CTNNA3: variants seen among roughly 807,000 people sequenced by gnomAD.
CTNNA3 encodes the protein catenin alpha-3.
CTNNA3 carries 76 observed loss-of-function variants against 95.7 expected under a neutral mutation model. The ratio of observed to expected loss-of-function variants is 0.79; its 90% CI spans 0.66 to 0.96. CTNNA3 has a LOEUF of 0.96. Among genes scored for constraint, CTNNA3 ranks in the 40% least tolerant of loss-of-function variants. The pLI is 0.00. For synonymous variants in CTNNA3, 431 were observed against 374.4 expected, an observed-to-expected ratio of 1.15 and a Z score of -1.74; for missense variants, 1,191 against 1,089.8, an observed-to-expected ratio of 1.09 and a Z score of -1.31.
At chr10:66,033,663 T>C (rs1053992178) in intron 15 of CTNNA3, among the ~76,000 whole-genome samples, 3 of 152,020 alleles carry the variant, frequency 2.0e-5, no homozygotes, top group Non-Finnish European at 4.4e-5. Context: ...CTTTAGCTTG[T>C]ATGTTCCCTT....
chr10:66,539,706 G>T (rs190857875), intron 10 of CTNNA3, among the ~76,000 whole-genome samples: 1 of 152,026 alleles, frequency 6.6e-6, no homozygotes, highest in Non-Finnish European at 1.5e-5. Context: ...GGCAGGACAG[G>T]CTTCATTCTC....
At chr10:66,952,292 G>A (rs1848576123) in intron 7 of CTNNA3, among the ~76,000 whole-genome samples, 1 of 152,168 alleles carries the variant, frequency 6.6e-6, no homozygotes, top group African/African-American at 2.4e-5. Flanking sequence ...AAAGTTCTGA[G>A]GCTTTGAAAA....
In CTNNA3 at chr10:67,025,965, G is replaced by A. The variant is rs559545915; in HGVS notation, c.1047+154352C>T. ...GAGTTCATGTCCTTTGTAGGGACAT[G>A]GATGAAATTGGAAATCATCATTCTC... is the stretch of plus-strand genomic sequence containing the variant. On this transcript the variant is annotated intron_variant, in intron 7 of 17. Coordinates refer to ENST00000433211, the MANE Select transcript of CTNNA3 (RefSeq NM_013266.4). Among the ~76,000 whole-genome samples, 409 of 150,932 alleles carry A rather than the reference G, an allele frequency of 2.7e-3. 3 individuals are homozygous for A. Among genetic ancestry groups the A allele is most frequent in the African/African-American group, 9.2e-3 (374 of 40,644 alleles).
intron 9 of CTNNA3, among the ~76,000 whole-genome samples, chr10:66,705,334 C>CTT (rs1270312247): frequency 6.6e-6 from 1 of 151,818 alleles, no homozygotes; most frequent in Non-Finnish European, 1.5e-5. Flanking sequence ...TTTATAATGT[C>CTT]TTTGGTTTTA....
At chr10:66,013,197 G>T (rs973252836) in intron 15 of CTNNA3, among the ~76,000 whole-genome samples, 7 of 152,094 alleles carry the variant, frequency 4.6e-5, no homozygotes, top group African/African-American at 1.7e-4. Flanking sequence ...CACCGTGCCT[G>T]GCCTCAATGT....
intron 7 of CTNNA3, among the ~76,000 whole-genome samples, chr10:67,101,241 A>G (rs940097269): frequency 2.0e-5 from 3 of 151,794 alleles, no homozygotes; most frequent in African/African-American, 7.2e-5. Flanking sequence ...AAAAAACCAA[A>G]GACCTTCTAA....
At chr10:66,555,905 T>TA (rs958089036) in intron 10 of CTNNA3, among the ~76,000 whole-genome samples, 14 of 151,404 alleles carry the variant, frequency 9.2e-5, no homozygotes, top group Admixed American at 4.6e-4. Context: ...TGCACAGAAA[T>TA]AAAAAAGAGC....
At chr10:66,105,373 T>C (rs1329360063) in intron 13 of CTNNA3, among the ~76,000 whole-genome samples, 1 of 152,202 alleles carries the variant, frequency 6.6e-6, no homozygotes, top group African/African-American at 2.4e-5. Context: ...CCTATAACAT[T>C]TGAACAAATT....
intron 11 of CTNNA3, among the ~76,000 whole-genome samples, chr10:66,423,643 C>G (rs1194429471): frequency 6.6e-6 from 1 of 152,134 alleles, no homozygotes; most frequent in Non-Finnish European, 1.5e-5. Context: ...CCCAAGGTAA[C>G]TTCCCCTCTG....
intron 13 of CTNNA3, among the ~76,000 whole-genome samples, chr10:66,154,200 C>T (rs1247948408): frequency 6.6e-6 from 1 of 151,798 alleles, no homozygotes; most frequent in Non-Finnish European, 1.5e-5. Context: ...ATTTCTGGTA[C>T]TTAATCCTTG....
chr10:67,189,144 A>ACAAC (rs376869482), intron 6 of CTNNA3, among the ~76,000 whole-genome samples: 1 of 146,724 alleles, frequency 6.8e-6, no homozygotes, highest in African/African-American at 2.6e-5. Context: ...AACAACAACA[A>ACAAC]AAAAAAAAAC....
intron 4 of CTNNA3, among the ~76,000 whole-genome samples, chr10:67,532,475 T>C (rs1399166331): frequency 6.6e-6 from 1 of 152,234 alleles, no homozygotes; most frequent in Non-Finnish European, 1.5e-5. Flanking sequence ...ATGTTAAATA[T>C]ACATTTGACA....
At chr10:67,235,802 T>C (rs1281148464) in intron 5 of CTNNA3, among the ~76,000 whole-genome samples, 1 of 142,626 alleles carries the variant, frequency 7.0e-6, no homozygotes, top group Non-Finnish European at 1.5e-5. Context: ...TACAATGAAC[T>C]CAAACACATT....
chr10:66,684,215 G>A (rs1232890956), intron 9 of CTNNA3, among the ~76,000 whole-genome samples: 3 of 152,212 alleles, frequency 2.0e-5, no homozygotes, highest in Admixed American at 1.3e-4. Context: ...GAAGTGTGGT[G>A]CTACTGGCAT....
intron 1 of CTNNA3, among the ~76,000 whole-genome samples, chr10:67,710,084 G>A (rs934801291): frequency 3.9e-5 from 6 of 151,938 alleles, no homozygotes; most frequent in African/African-American, 1.5e-4. Context: ...TGTTTACAAG[G>A]GCCCCAAGAC....
chr10:67,438,767 T>C (rs938477980), intron 5 of CTNNA3, among the ~76,000 whole-genome samples: 2 of 152,124 alleles, frequency 1.3e-5, no homozygotes, highest in African/African-American at 4.8e-5. Context: ...CTGGGGCACT[T>C]GCTGCCTTGA....
intron 7 of CTNNA3, among the ~76,000 whole-genome samples, chr10:67,032,427 G>C (rs1388898455): frequency 6.6e-6 from 1 of 151,998 alleles, no homozygotes; most frequent in Admixed American, 6.6e-5. Flanking sequence ...GATTTCCAAA[G>C]TATGAGTTTG....
At chr10:66,643,825 T>A (rs976296972) in intron 9 of CTNNA3, among the ~76,000 whole-genome samples, 10 of 152,206 alleles carry the variant, frequency 6.6e-5, no homozygotes, top group African/African-American at 2.2e-4. Flanking sequence ...ATTTTTCTAT[T>A]TCCAAATATT....
At chr10:67,454,767 T>C (rs995684316) in intron 5 of CTNNA3, among the ~76,000 whole-genome samples, 2 of 152,026 alleles carry the variant, frequency 1.3e-5, no homozygotes, top group Admixed American at 6.6e-5. Context: ...ATAAAAGGTA[T>C]TAAAGAAAGT....
Sources: allele counts gnomAD v4.1 joint callset (sites outside exome capture counted in the v4.1 genomes callset), GRCh38; gene constraint gnomAD v4.1.1; transcripts MANE v1.5; gene names NCBI Gene and HGNC (gene_info 2026-07-23, HGNC 2026-07-21).